GNAS: variants seen among roughly 807,000 people sequenced by gnomAD.
GNAS encodes GNAS complex locus, also known as protein ALEX.
A neutral mutation model predicts 54.5 loss-of-function variants in GNAS; 8 were observed. The observed-to-expected ratio is 0.15, with a 90% CI of 0.09 to 0.26. The LOEUF (loss-of-function observed/expected upper bound fraction) is 0.26, where lower values mean the gene tolerates loss of function less well. Ranked by LOEUF, GNAS falls within the 10% of genes least tolerant of loss-of-function variation. The pLI is 1.00. For missense variants in GNAS, 170 were observed against 529.8 expected, an observed-to-expected ratio of 0.32 and a Z score of 6.67; for synonymous variants, 204 against 191.4, an observed-to-expected ratio of 1.07 and a Z score of -0.54.
intron 1 of GNAS, 48 bp downstream of exon 1, chr20:58,891,913 G>GGCGCCCCGCAGGCCGCGC: frequency 1.0e-6 from 1 of 973,276 alleles, no homozygotes; most frequent in African/African-American, 1.8e-5. Context: ...GCCCTCGAAG[G>GGCGCCCCGCAGGCCGCGC]GCGCCCCGCA....
At chr20:58,855,195 A>C (rs1252918161) in intron 1 of GNAS, 2 of 1,604,706 alleles carry the variant, frequency 1.2e-6, no homozygotes, top group Non-Finnish European at 1.7e-6. Context: ...CCTGGCGGAG[A>C]AGCGCAGACA....
chr20:58,902,753 T>TTTTTAC (rs2090743235), intron 3 of GNAS, among the ~76,000 whole-genome samples: 1 of 125,060 alleles, frequency 8.0e-6, no homozygotes, highest in Admixed American at 8.0e-5. Context: ...TTTTTTTTTT[T>TTTTTAC]GACAGAGTCT....
chr20:58,905,522 AAAAACAAG>A (rs776537065), intron 6 of GNAS, 42 bp downstream of exon 6: 5 of 1,029,216 alleles, frequency 4.9e-6, no homozygotes, highest in Non-Finnish European at 7.7e-6. Flanking sequence ...TAAAACAGAC[AAAAACAAG>A]AAAACATGAA....
At chr20:58,897,280 CAATA>C (rs910799414) in intron 2 of GNAS, among the ~76,000 whole-genome samples, 11 of 152,340 alleles carry the variant, frequency 7.2e-5, no homozygotes, top group East Asian at 1.9e-4. Context: ...GCCATCCTGA[CAATA>C]AATAAATAAC....
At chr20:58,901,459 G>C (rs1386000143) in intron 3 of GNAS, among the ~76,000 whole-genome samples, 1 of 152,182 alleles carries the variant, frequency 6.6e-6, no homozygotes, top group Non-Finnish European at 1.5e-5. Flanking sequence ...AAGGCCTGAA[G>C]CTCGCTCACC....
At chr20:58,895,739 T>TTCCTAAAGGTTAGTATA in intron 2 of GNAS, 55 bp downstream of exon 2, 1 of 1,025,846 alleles carries the variant, frequency 9.7e-7, no homozygotes, top group Non-Finnish European at 1.6e-6. Flanking sequence ...GACTTTATAC[T>TTCCTAAAGGTTAGTATA]AACCTTTAGG....
At chr20:58,890,558 C>T (rs919358831), upstream of GNAS, 44 of 152,496 alleles carry the variant, frequency 2.9e-4, no homozygotes, top group African/African-American at 9.9e-4. Context: ...CGGAGCAGGG[C>T]CGCGGCTGCG....
chr20:58,900,793 A>G (rs1400229924), intron 3 of GNAS, among the ~76,000 whole-genome samples: 1 of 152,192 alleles, frequency 6.6e-6, no homozygotes, highest in Non-Finnish European at 1.5e-5. Flanking sequence ...CCCCAGTATA[A>G]TATCTCCATC....
chr20:58,858,559 G>T (rs1032746974), intron 1 of GNAS, among the ~76,000 whole-genome samples: 3 of 152,084 alleles, frequency 2.0e-5, no homozygotes, highest in Non-Finnish European at 4.4e-5. Context: ...CTTCATTTAG[G>T]TGTGATTTCC....
intron 1 of GNAS, among the ~76,000 whole-genome samples, chr20:58,871,721 G>C (rs2087480960): frequency 6.7e-6 from 1 of 148,230 alleles, no homozygotes; most frequent in Non-Finnish European, 1.5e-5. Flanking sequence ...AGAAGGAAGG[G>C]AGGGAGGAGG....
intron 1 of GNAS, among the ~76,000 whole-genome samples, chr20:58,849,780 G>A (rs1022939345): frequency 8.5e-5 from 13 of 152,154 alleles, no homozygotes; most frequent in Non-Finnish European, 8.8e-5. Context: ...TTCCTTCACC[G>A]TGCTAGGTCT....
chr20:58,894,803 T>C (rs1391677991), intron 1 of GNAS, among the ~76,000 whole-genome samples: 1 of 152,254 alleles, frequency 6.6e-6, no homozygotes, highest in Admixed American at 6.5e-5. Flanking sequence ...TGTTCTTATG[T>C]TACTTTTTAC....
intron 1 of GNAS, chr20:58,855,557 G>C (rs1568930418): frequency 1.4e-6 from 1 of 718,634 alleles, no homozygotes; most frequent in Non-Finnish European, 2.6e-6. Context: ...CCTCCAGGGA[G>C]AAAAGTGGTG....
In GNAS at chr20:58,841,838, G is replaced by T. The variant is rs149626880; in HGVS notation, c.43+952G>T. 7 of 1,230,874 alleles carry T rather than the reference G, an allele frequency of 5.7e-6. No individual in the cohort carries two copies. The Admixed American group carries it at 3.0e-4, about 52-fold the overall frequency. 76.2% of individuals were successfully genotyped at this position (1,230,874 alleles called of 1,614,324 possible). On this transcript the variant is annotated intron_variant, in intron 1 of 12. Transcript: ENST00000306090. The surrounding 1 kb of genome is among the most constrained non-coding windows in gnomAD (Gnocchi z 5.0). ...GAGACGTCCTGGGCTGTTTGCGCAG[G>T]ACCTCTGGAGGCCCTCGAGATCGTC...
rs553568751 is a variant in GNAS at position 58,868,557 on chromosome 20, T to G, written c.44-27055T>G. ...GGGGCATCTGCTCGCCACAAGAAGG[T>G]GAGAGGTCAGAAAGAAGAAGCAAGA... On this transcript the variant is annotated intron_variant, in intron 1 of 12. Coordinates refer to the GNAS transcript ENST00000306090. 2.0e-5 allele frequency among the ~76,000 whole-genome samples: 3 copies of G among 151,188 alleles called. No individual in the cohort carries two copies. In the South Asian group the frequency reaches 6.3e-4, roughly 32 times the overall value.
At chr20:58,855,561 A>AGTG (rs1415507855) in intron 1 of GNAS, 5 of 718,060 alleles carry the variant, frequency 7.0e-6, no homozygotes, top group Non-Finnish European at 1.0e-5. Context: ...CAGGGAGAAA[A>AGTG]GTGGTGCCGA....
In GNAS at chr20:58,891,662, G is replaced by T; in HGVS notation, c.-65G>T. 3 of 964,170 alleles carry T rather than the reference G, an allele frequency of 3.1e-6. No homozygotes were observed. The highest frequency in any genetic ancestry group is 3.7e-6 in the Non-Finnish European group (3 of 820,954). The allele number at this position is 964,170 out of a possible 1,614,324, so 59.7% of individuals were successfully genotyped here. On this transcript the variant is annotated 5_prime_UTR_variant, in exon 1 of 13. Coordinates refer to ENST00000371085, the MANE Select transcript of GNAS (RefSeq NM_000516.7). ...GGCGCTGCCCCGGCCCTCCCGGCCC[G>T]CGTGAGGCCGCCCGCGCCCGCCGCC...
chr20:58,858,399 A>G (rs943384011), intron 1 of GNAS, among the ~76,000 whole-genome samples: 1 of 152,242 alleles, frequency 6.6e-6, no homozygotes, highest in Admixed American at 6.5e-5. Context: ...AAAGATAGAT[A>G]GAAATCAGTA....
At chr20:58,908,581 G>GT (rs1397022844) in intron 6 of GNAS, among the ~76,000 whole-genome samples, 8 of 151,946 alleles carry the variant, frequency 5.3e-5, no homozygotes, top group Non-Finnish European at 2.9e-5. Context: ...TCACTTTATT[G>GT]TTTTTTAACT....
Sources: gnomAD v4.1 joint callset for allele counts (sites outside exome capture counted in the v4.1 genomes callset) on GRCh38, gnomAD v4.1.1 for gene constraint, Gnocchi (gnomAD v3.1) non-coding constraint, MANE v1.5 for transcripts, NCBI Gene and HGNC (gene_info 2026-07-23, HGNC 2026-07-21) for gene names.